The following PACSIN3 variants were observed in gnomAD, a reference collection of about 807,000 sequenced individuals.
PACSIN3 encodes the protein protein kinase C and casein kinase substrate in neurons protein 3.
A neutral mutation model predicts 56.1 loss-of-function variants in PACSIN3; 34 were observed. The observed-to-expected ratio is 0.61, with a 90% CI of 0.46 to 0.81. The LOEUF is 0.81. PACSIN3 is among the 30% of genes least tolerant of loss of function. The pLI is 0.00. For missense variants in PACSIN3, 535 were observed against 592.4 expected (o/e 0.90, Z 1.01); for synonymous variants, 218 against 229.8 (o/e 0.95, Z 0.46).
chr11:47,185,919 G>A (rs1953112589), intron 1 of PACSIN3: 1 of 152,370 alleles, frequency 6.6e-6, no homozygotes, highest in Admixed American at 6.5e-5. Context: ...CAAGGGGAGG[G>A]GACGCCCCCT....
intron 1 of PACSIN3, among the ~76,000 whole-genome samples, chr11:47,184,159 A>C (rs1590975952): frequency 2.6e-5 from 4 of 152,310 alleles, no homozygotes; most frequent in Middle Eastern, 6.8e-3. Context: ...TGTCCCCAGC[A>C]CTGACTGACT....
In PACSIN3 at chr11:47,182,531, C is replaced by A; in HGVS notation, c.83G>T (p.Arg28Leu). 6.2e-7 allele frequency: 1 copy of A among 1,613,016 alleles called. No homozygotes were observed. The highest frequency in any genetic ancestry group is 2.2e-5 in the East Asian group (1 of 44,858). Residue 28 changes from arginine to leucine, a missense_variant, in exon 4 of 11, where the codon CGG becomes CTG. By Grantham distance (102) the Arg-to-Leu change is moderately radical. Transcript: ENST00000298838. The part of the protein sequence containing the change: ...EAGNYRRTVQ[R>L]VEDGHRLCGD... ...GCACAGCCGGTGCCCGTCCTCCACC[C>A]GCTGTACCGTGCGCCTGTAGTTGCC...
In PACSIN3 at chr11:47,177,813, C is replaced by A; in HGVS notation, c.*118G>T. ...CCCTGGGTCCCAGGACTTCCTCCCT[C>A]AAGGGACAGAGGAGCAGCCAGAGAG... On this transcript the variant is annotated 3_prime_UTR_variant, in exon 11 of 11. Coordinates refer to ENST00000298838, the MANE Select transcript of PACSIN3 (RefSeq NM_016223.5). The A allele has an allele frequency of 1.3e-6, 1 of 793,060 alleles. No homozygotes were observed. Among genetic ancestry groups the A allele is most frequent in the Non-Finnish European group, 2.1e-6 (1 of 465,496 alleles). 49.1% of individuals were successfully genotyped at this position (793,060 alleles called of 1,614,324 possible).
chr11:47,182,490 A>C lies in PACSIN3; in HGVS notation c.124T>G (p.Cys42Gly), dbSNP rs1953045367. The C allele has an allele frequency of 3.7e-6, 6 of 1,611,234 alleles. No individual in the cohort carries two copies. The highest frequency in any genetic ancestry group is 5.1e-6 in the Non-Finnish European group (6 of 1,179,950). ...GHRLCGDLVSCFQERARIEKA... is the reference protein window; with the variant it reads ...GHRLCGDLVSGFQERARIEKA... The stretch of plus-strand genomic sequence containing the variant: ...TCGATGCGGGCGCGCTCCTGGAAGC[A>C]GCTGACCAGGTCCCCGCACAGCCGG... Residue 42 changes from cysteine to glycine, a missense_variant, in exon 4 of 11, where the codon TGC becomes GGC. Transcript: ENST00000298838.
chr11:47,182,582 C>A, intron 3 of PACSIN3, 23 bp from the exon 4 acceptor site: 1 of 1,605,110 alleles, frequency 6.2e-7, no homozygotes, highest in Non-Finnish European at 8.5e-7. Flanking sequence ...GAAAAGGGTG[C>A]CATCACCAGG....
rs769326171 is a variant in PACSIN3 at position 47,182,505 on chromosome 11, C to T, written c.109G>A (p.Gly37Arg). ...TCCTGGAAGCAGCTGACCAGGTCCC[C>T]GCACAGCCGGTGCCCGTCCTCCACC... ...QRVEDGHRLCGDLVSCFQERA... is the reference protein window; with the variant it reads ...QRVEDGHRLCRDLVSCFQERA... The change falls in exon 4 of 11, where the codon GGG (glycine) becomes AGG (arginine). Residue 37 changes from glycine (G) to arginine (R), a missense_variant. Gly to Arg is a moderately radical substitution (Grantham distance 125). Transcript: ENST00000298838. 3.0e-5 allele frequency: 48 copies of T among 1,612,074 alleles called. No individual in the cohort carries two copies. The highest frequency in any genetic ancestry group is 1.6e-4 in the Middle Eastern group (1 of 6,078).
chr11:47,182,646 T>TAGCTGAGCCCAGGACCC lies in PACSIN3; in HGVS notation c.54+11_54+27dup, dbSNP rs1338286917. On this transcript the variant is annotated intron_variant, in intron 3 of 10. Transcript: ENST00000298838. ...CAGATGGGCTCCTCCCCTAGACAAG[T>TAGCTGAGCCCAGGACCC]AGCTGAGCCCAGGACCCAGCTGCTC... 3 of 1,607,516 alleles carry TAGCTGAGCCCAGGACCC rather than the reference T, an allele frequency of 1.9e-6. No individual in the cohort carries two copies. In the South Asian group the frequency reaches 3.3e-5, roughly 18 times the overall value.
intron 2 of PACSIN3, 21 bp downstream of exon 2, chr11:47,182,983 C>T (rs1431131104): frequency 9.4e-6 from 4 of 427,652 alleles, no homozygotes; most frequent in East Asian, 3.9e-5. Context: ...TCTGCACTTC[C>T]CCCCCCGCCC....
chr11:47,184,511 T>C (rs924603809), intron 1 of PACSIN3: 6 of 152,194 alleles, frequency 3.9e-5, no homozygotes, highest in Non-Finnish European at 8.8e-5. Context: ...GAATCAGCAA[T>C]AATTAGTTAA....
Position 47,180,552 on chromosome 11 carries a change from GCCC to G in PACSIN3, c.347_349del (p.Gly116del), listed in dbSNP as rs773984599. ...GCCGCCCAGCACAGGCCGGTGGAAAGCCCCCCGCTGCCAGGCGCGCACCCGCTC... is the reference window on the plus strand; with the variant it reads ...GCCGCCCAGCACAGGCCGGTGGAAAGCCCGCTGCCAGGCGCGCACCCGCTC... On this transcript the variant is annotated inframe_deletion, in exon 5 of 11. Coordinates refer to ENST00000298838, the MANE Select transcript of PACSIN3 (RefSeq NM_016223.5). 4 of 1,603,654 alleles carry G rather than the reference GCCC, an allele frequency of 2.5e-6. No individual in the cohort carries two copies. The South Asian group carries it at 4.4e-5, about 18-fold the overall frequency.
Position 47,177,945 on chromosome 11 carries a change from A to T in PACSIN3, c.1261T>A (p.Cys421Ser). The T allele has an allele frequency of 6.2e-7, 1 of 1,613,000 alleles. No individual in the cohort carries two copies. Among genetic ancestry groups the T allele is most frequent in the Non-Finnish European group, 8.5e-7 (1 of 1,179,332 alleles). ...IGLYPANYVE[C>S]VGA is the part of the protein sequence containing the mutation. ...TGTCAGGACACTCAGGCGCCCACACACTCCACGTAGTTGGCAGGGTACAGG... is the reference window on the plus strand; with the variant it reads ...TGTCAGGACACTCAGGCGCCCACACTCTCCACGTAGTTGGCAGGGTACAGG... The change falls in exon 11 of 11, where the codon TGT becomes AGT. Residue 421 changes from cysteine to serine, a missense_variant. Physicochemically the swap from Cys to Ser is moderately radical, Grantham distance 112. Transcript: ENST00000298838.
chr11:47,186,396 G>A lies in PACSIN3; in HGVS notation c.-151C>T, dbSNP rs1228727691. ...GCGGGTGGGGGTCCGGCCACGCTCC[G>A]GCCCGAGTCCTGCCGCTCCTGGGCC... On this transcript the variant is annotated 5_prime_UTR_variant, in exon 1 of 11. Coordinates refer to ENST00000298838, the MANE Select transcript of PACSIN3 (RefSeq NM_016223.5). This position sits in a 1 kb window ranked among gnomAD's most constrained non-coding sequence, Gnocchi z 4.5. The A allele has an allele frequency of 1.3e-5, 2 of 151,106 alleles. No individual in the cohort carries two copies. The highest frequency in any genetic ancestry group is 1.9e-4 in the East Asian group (1 of 5,148). The allele number at this position is 151,106 out of a possible 1,614,324, so 9.4% of individuals were successfully genotyped here.
At chr11:47,181,649 C>T (rs1344370633) in intron 4 of PACSIN3, among the ~76,000 whole-genome samples, 1 of 152,136 alleles carries the variant, frequency 6.6e-6, no homozygotes, top group African/African-American at 2.4e-5. Context: ...CATAGCAAAA[C>T]CCTATCTCTA....
At chr11:47,183,488 T>A (rs2135462179) in intron 1 of PACSIN3, among the ~76,000 whole-genome samples, 1 of 152,324 alleles carries the variant, frequency 6.6e-6, no homozygotes, top group African/African-American at 2.4e-5. Context: ...AGGCCCCAGC[T>A]CCCTCTAAGA....
chr11:47,182,364 AC>A, intron 4 of PACSIN3, 38 bp downstream of exon 4: 1 of 1,563,788 alleles, frequency 6.4e-7, no homozygotes, highest in Non-Finnish European at 8.7e-7. Flanking sequence ...ACAGTCCTGC[AC>A]TCAGCTGCCC....
At chr11:47,184,941 G>C (rs1590976435) in intron 1 of PACSIN3, among the ~76,000 whole-genome samples, 2 of 151,670 alleles carry the variant, frequency 1.3e-5, no homozygotes, top group Admixed American at 6.6e-5. Flanking sequence ...AGCTCCCTCC[G>C]GCCTCCCAGA....
At position 47,178,436 on chromosome 11, in the gene PACSIN3, G is replaced by A. The variant is rs756175125; in HGVS notation, c.1089C>T (p.Ala363=). 5.6e-6 allele frequency: 9 copies of A among 1,613,828 alleles called. No homozygotes were observed. Among genetic ancestry groups the A allele is most frequent in the Admixed American group, 1.7e-5 (1 of 60,002 alleles). Residue 363 remains alanine, a synonymous_variant, in exon 10 of 11, where the codon GCC becomes GCT. Coordinates refer to ENST00000298838, the MANE Select transcript of PACSIN3 (RefSeq NM_016223.5). This position sits in a 1 kb window ranked among gnomAD's most constrained non-coding sequence, Gnocchi z 4.2. ...AGAGTGCCCTCACCCGAACCCCGGT[G>A]GCAGCCTTCCGGGGACTCTCTTCAT... ...WSDEESPRKA[A]TGVRVRALYD... is the part of the protein sequence containing the mutation.
chr11:47,180,984 C>T (rs1565139782), intron 4 of PACSIN3, among the ~76,000 whole-genome samples: 1 of 152,184 alleles, frequency 6.6e-6, no homozygotes, highest in South Asian at 2.1e-4. Context: ...AGCTGAGGGC[C>T]GGGCACAGTG....
At position 47,178,708 on chromosome 11, in the gene PACSIN3, G is replaced by A. The variant is rs115740788; in HGVS notation, c.1037+186C>T. On this transcript the variant is annotated intron_variant, in intron 9 of 10. Coordinates refer to ENST00000298838, the MANE Select transcript of PACSIN3 (RefSeq NM_016223.5). The surrounding 1 kb of genome is among the most constrained non-coding windows in gnomAD (Gnocchi z 4.2). ...TAAGGCATAAACGAGAGGGAATGTG[G>A]GAAATGCCCAGCAAATCTAAACCAC... Among the ~76,000 whole-genome samples, 1,010 of 152,292 alleles carry A rather than the reference G, an allele frequency of 6.6e-3. 7 individuals carry two copies. Among genetic ancestry groups the A allele is most frequent in the African/African-American group, 0.021 (883 of 41,550 alleles).
Sources: gnomAD v4.1 joint callset for allele counts (sites outside exome capture counted in the v4.1 genomes callset) on GRCh38, gnomAD v4.1.1 for gene constraint, Gnocchi (gnomAD v3.1) non-coding constraint, MANE v1.5 for transcripts, NCBI Gene and HGNC (gene_info 2026-07-23, HGNC 2026-07-21) for gene names.